Variants in TSC2 observed in about 807,000 individuals in gnomAD.
TSC2 encodes the protein tuberin.
TSC2 carries 29 observed loss-of-function variants against 202.2 expected under a neutral mutation model. The observed-to-expected ratio is 0.14, with a 90% CI of 0.11 to 0.20. TSC2 has a LOEUF of 0.20. Among genes scored for constraint, TSC2 ranks in the 10% least tolerant of loss-of-function variants. The pLI, the probability that TSC2 is intolerant of heterozygous loss-of-function variation, is 1.00. For synonymous variants in TSC2, 1,349 were observed against 1,044.0 expected (o/e 1.29, Z -5.63); for missense variants, 2,429 against 2,420.0 (o/e 1.00, Z -0.08).
At chr16:2,063,419 C>T (rs1218039368) in intron 14 of TSC2, 2 of 394,900 alleles carry the variant, frequency 5.1e-6, no homozygotes, top group South Asian at 2.3e-5. Flanking sequence ...CCCTGTGCAC[C>T]TGCGTGATCG....
chr16:2,073,011 C>G (rs1303953503), intron 21 of TSC2, 28 bp downstream of exon 21: 2 of 1,612,880 alleles, frequency 1.2e-6, no homozygotes, highest in Non-Finnish European at 1.7e-6. Context: ...GACAGGCGAG[C>G]TTGATGGGGC....
intron 3 of TSC2, 61 bp downstream of exon 3, chr16:2,050,547 G>T (rs2150998772): frequency 2.8e-6 from 4 of 1,433,070 alleles, no homozygotes; most frequent in Admixed American, 1.7e-5. Context: ...GCCTGAGTTT[G>T]CTTTTTTTAG....
chr16:2,051,460 G>T (rs1428067160), intron 3 of TSC2, among the ~76,000 whole-genome samples: 1 of 152,192 alleles, frequency 6.6e-6, no homozygotes, highest in Non-Finnish European at 1.5e-5. Flanking sequence ...TGGTCTTGGT[G>T]CCATTTTGGG....
intron 32 of TSC2, chr16:2,082,771 G>T (rs1056234875): frequency 3.5e-6 from 2 of 572,710 alleles, no homozygotes; most frequent in South Asian, 2.0e-5. Context: ...GGTGGGGGTG[G>T]CCTGAGTCTC....
At position 2,080,191 on chromosome 16, in the gene TSC2, C is replaced by A. The variant is rs1060504111; in HGVS notation, c.3424C>A (p.Leu1142Met). Residue 1142 changes from leucine (L) to methionine (M), a missense_variant, in exon 30 of 42, where the codon CTG becomes ATG. By Grantham distance (15) the Leu-to-Met change is conservative (BLOSUM62 2). Transcript: ENST00000219476. ...SGGHGLRVGA[L>M]DVPASQFLGS... ...GGGCCATGGTCTTCGAGTTGGCGCC[C>A]TGGACGTGCCGGCCTCCCAGTTCCT... 6.2e-7 allele frequency: 1 copy of A among 1,612,962 alleles called. No homozygotes were observed. The highest frequency in any genetic ancestry group is 8.5e-7 in the Non-Finnish European group (1 of 1,179,996).
Position 2,079,506 on chromosome 16 carries a change from C to T in TSC2, c.3285-51C>T, listed in dbSNP as rs528641192. 2.7e-4 allele frequency: 428 copies of T among 1,606,576 alleles called. No individual in the cohort carries two copies. Among genetic ancestry groups the T allele is most frequent in the Non-Finnish European group, 3.1e-4 (367 of 1,177,122 alleles). On this transcript the variant is annotated intron_variant, in intron 28 of 41. Coordinates refer to ENST00000219476, the MANE Select transcript of TSC2 (RefSeq NM_000548.5). The surrounding 1 kb of genome is among the most constrained non-coding windows in gnomAD (Gnocchi z 4.6). Reference sequence around the variant, plus strand: ...CGAGCCCAGGCCCACGTGGCACCCTCGTACCAGCCTGGGGACTAAGTCCAC... The same window carrying T: ...CGAGCCCAGGCCCACGTGGCACCCTTGTACCAGCCTGGGGACTAAGTCCAC...
intron 9 of TSC2, among the ~76,000 whole-genome samples, chr16:2,057,640 C>G (rs2086041369): frequency 6.6e-6 from 1 of 152,186 alleles, no homozygotes; most frequent in South Asian, 2.1e-4. Flanking sequence ...GAAGCCCACT[C>G]CATGCAGCAC....
At chr16:2,080,051 G>A (rs866071795) in intron 29 of TSC2, 114 bp from the exon 30 acceptor site, 35 of 1,430,486 alleles carry the variant, frequency 2.4e-5, no homozygotes, top group Middle Eastern at 3.5e-4. Context: ...AGCTGCCACC[G>A]TCTCTGGCTG....
rs778290482 is a variant in TSC2, at chr16:2,088,208, C to T, written c.5161-19C>T. On this transcript the variant is annotated intron_variant, in intron 40 of 41. Transcript: ENST00000219476. ...AGGTGCCACCTGATAGTGAGCTCAC[C>T]CCCTGCCTACGTCCCCAGATGGCCT... The T allele has an allele frequency of 1.2e-6, 2 of 1,613,072 alleles. No individual in the cohort carries two copies. The highest frequency in any genetic ancestry group is 1.6e-4 in the Middle Eastern group (1 of 6,062).
chr16:2,051,564 A>G (rs912923511), intron 3 of TSC2, among the ~76,000 whole-genome samples: 1 of 152,216 alleles, frequency 6.6e-6, no homozygotes, highest in African/African-American at 2.4e-5. Flanking sequence ...ACTTGTGGAC[A>G]GGACAGGAAG....
intron 22 of TSC2, chr16:2,075,020 A>G (rs2089081928): frequency 6.3e-6 from 1 of 159,822 alleles, no homozygotes; most frequent in Admixed American, 5.8e-5. Context: ...GTTCGAGACC[A>G]GCCTGGCCAA....
At chr16:2,085,415 G>A (rs62038810) in intron 36 of TSC2, 93 bp downstream of exon 36, 1 of 1,340,602 alleles carries the variant, frequency 7.5e-7, no homozygotes, top group Non-Finnish European at 1.1e-6. Flanking sequence ...ACGCCCCACA[G>A]AGCTCAACAC....
At chr16:2,062,651 C>T in intron 13 of TSC2, 51 bp downstream of exon 13, 1 of 1,529,718 alleles carries the variant, frequency 6.5e-7, no homozygotes, top group Non-Finnish European at 8.9e-7. Flanking sequence ...GGCCCTGTCT[C>T]TGTCTGGGGC....
rs2151416490 is a variant in TSC2, at chr16:2,077,715, T to C, written c.2955T>C (p.His985=). 1 of 1,612,828 alleles carries C rather than the reference T, an allele frequency of 6.2e-7. No homozygotes were observed. Among genetic ancestry groups the C allele is most frequent in the South Asian group, 1.1e-5 (1 of 91,078 alleles). ...FRCRSISVSE[H]VVRSRIQTSL... ...GCCGCAGCATCAGTGTGTCTGAACA[T>C]GTGGTCCGCAGGTAGCGGGACTGTC... is the stretch of plus-strand genomic sequence containing the variant. The change falls in exon 26 of 42, where the codon CAT becomes CAC. Residue 985 remains histidine, a synonymous_variant. Coordinates refer to ENST00000219476, the MANE Select transcript of TSC2 (RefSeq NM_000548.5).
chr16:2,087,487 G>T (rs932358088), intron 38 of TSC2, among the ~76,000 whole-genome samples: 41 of 76,902 alleles, frequency 5.3e-4, no homozygotes, highest in Non-Finnish European at 7.7e-4. Flanking sequence ...CAACCAGTTG[G>T]GGGGGGGGGG....
At position 2,050,414 on chromosome 16, in the gene TSC2, A is replaced by C. The variant is rs746366461; in HGVS notation, c.153A>C (p.Glu51Asp). The C allele has an allele frequency of 6.2e-7, 1 of 1,613,894 alleles. No homozygotes were observed. Among genetic ancestry groups the C allele is most frequent in the Non-Finnish European group, 8.5e-7 (1 of 1,179,928 alleles). The change falls in exon 3 of 42, where the codon GAA becomes GAC. Residue 51 changes from glutamate (E) to aspartate (D), a missense_variant. Coordinates refer to ENST00000219476, the MANE Select transcript of TSC2 (RefSeq NM_000548.5). ...TCTCTCTCCAGGAACTGAGCATGGA[A>C]TGTGGCCTCAACAATCGCATCCGGA... is the stretch of plus-strand genomic sequence containing the variant. ...TAEILRELSM[E>D]CGLNNRIRMI... is the part of the protein sequence containing the mutation.
At chr16:2,086,896 C>T (rs1301420207) in intron 38 of TSC2, 25 bp downstream of exon 38, 6 of 1,562,602 alleles carry the variant, frequency 3.8e-6, no homozygotes, top group South Asian at 2.3e-5. Context: ...GTCAGTGAGG[C>T]TGGGCCCCAG....
intron 16 of TSC2, 35 bp from the exon 17 acceptor site, chr16:2,070,421 C>A: frequency 6.2e-7 from 1 of 1,613,232 alleles, no homozygotes; most frequent in Non-Finnish European, 8.5e-7. Flanking sequence ...GTTTTCACCT[C>A]CTGCGCCGTG....
In TSC2 at chr16:2,082,990, G is replaced by A. The variant is rs1334966093; in HGVS notation, c.3883+486G>A. 5.5e-5 allele frequency: 22 copies of A among 400,266 alleles called. No homozygotes were observed. The Admixed American group carries it at 5.9e-4, about 11-fold the overall frequency. The allele number at this position is 400,266 out of a possible 1,614,324, so 24.8% of individuals were successfully genotyped here. On this transcript the variant is annotated intron_variant, in intron 32 of 41. Transcript: ENST00000219476. ...CCTGTTGCCCCCAAGCCCTGGTGGG[G>A]AGTGCTGTGACCTGCATGGTGCTCC...
Sources: allele counts gnomAD v4.1 joint callset (sites outside exome capture counted in the v4.1 genomes callset), GRCh38; gene constraint gnomAD v4.1.1; non-coding constraint Gnocchi (gnomAD v3.1); transcripts MANE v1.5; gene names NCBI Gene and HGNC (gene_info 2026-07-23, HGNC 2026-07-21).